The following CDK8 variants were observed in gnomAD, a reference collection of about 807,000 sequenced individuals.
The protein encoded by CDK8 is cyclin-dependent kinase 8.
Under a neutral mutation model 71.5 loss-of-function variants are expected in CDK8, and 29 were observed. The ratio of observed to expected loss-of-function variants is 0.41; its 90% CI spans 0.30 to 0.55. The LOEUF (loss-of-function observed/expected upper bound fraction) is 0.55, where lower values mean the gene tolerates loss of function less well. CDK8 is among the 20% of genes least tolerant of loss of function. The pLI is 0.37. For missense variants in CDK8, 288 were observed against 572.6 expected (o/e 0.50, Z 5.07); for synonymous variants, 161 against 192.1 (o/e 0.84, Z 1.34).
intron 1 of CDK8, among the ~76,000 whole-genome samples, chr13:26,331,249 GA>G (rs1249149886): frequency 6.6e-6 from 1 of 152,034 alleles, no homozygotes; most frequent in Non-Finnish European, 1.5e-5. Flanking sequence ...GTCTTCTTTT[GA>G]AATGTATCTA....
chr13:26,400,583 G>A (rs1876208679), intron 10 of CDK8, 33 bp downstream of exon 10: 3 of 1,307,360 alleles, frequency 2.3e-6, no homozygotes, highest in Non-Finnish European at 3.3e-6. Flanking sequence ...TCATCAGCAT[G>A]ATGGAAGTTT....
intron 4 of CDK8, among the ~76,000 whole-genome samples, chr13:26,373,717 AGT>A (rs1874799230): frequency 6.6e-6 from 1 of 152,212 alleles, no homozygotes; most frequent in Admixed American, 6.5e-5. Flanking sequence ...AATAAAATAC[AGT>A]GTAAATATAT....
At chr13:26,373,569 C>T (rs1319560996) in intron 4 of CDK8, among the ~76,000 whole-genome samples, 3 of 152,120 alleles carry the variant, frequency 2.0e-5, no homozygotes, top group African/African-American at 7.2e-5. Context: ...AAAATATTTA[C>T]ATGTCTAACA....
intron 1 of CDK8, among the ~76,000 whole-genome samples, chr13:26,272,158 A>G (rs1018107946): frequency 3.3e-5 from 5 of 151,898 alleles, no homozygotes; most frequent in African/African-American, 1.2e-4. Flanking sequence ...GTATAAAAAC[A>G]TTTTCTTTAT....
chr13:26,299,949 A>G (rs1593248742), intron 1 of CDK8, among the ~76,000 whole-genome samples: 1 of 152,196 alleles, frequency 6.6e-6, no homozygotes, highest in Admixed American at 6.5e-5. Context: ...TATAAAAACT[A>G]TTCTTAGCTC....
intron 3 of CDK8, among the ~76,000 whole-genome samples, chr13:26,352,874 CTCTTATTT>C (rs1873740395): frequency 1.3e-5 from 2 of 151,988 alleles, no homozygotes; most frequent in Admixed American, 1.3e-4. Context: ...TGTTAAATAT[CTCTTATTT>C]TTATTATGTC....
chr13:26,276,901 AT>A (rs1318157174), intron 1 of CDK8, among the ~76,000 whole-genome samples: 1 of 152,158 alleles, frequency 6.6e-6, no homozygotes, highest in Non-Finnish European at 1.5e-5. Flanking sequence ...AAACAACCAA[AT>A]TTTTCCTCCT....
At chr13:26,400,092 T>G (rs768669391) in intron 9 of CDK8, 3 of 217,050 alleles carry the variant, frequency 1.4e-5, no homozygotes, top group South Asian at 7.1e-5. Flanking sequence ...ACTGCATGTG[T>G]TAGTGTATTA....
intron 1 of CDK8, among the ~76,000 whole-genome samples, chr13:26,270,830 T>C (rs939825758): frequency 2.0e-5 from 3 of 152,210 alleles, no homozygotes; most frequent in African/African-American, 7.2e-5. Flanking sequence ...TTTCAATTCC[T>C]AGGTATTCAT....
At position 26,272,380 on chromosome 13, in the gene CDK8, C is replaced by A. The variant is rs137955640; in HGVS notation, c.128+17611C>A. ...TTTGTTATGTTAGCCTAGGCCTACA[C>A]AGGGTCAGGATCATCAGTATCACTG... On this transcript the variant is annotated intron_variant, in intron 1 of 12. Transcript: ENST00000381527. Among the ~76,000 whole-genome samples, 6 of 152,184 alleles carry A rather than the reference C, an allele frequency of 3.9e-5. No homozygotes were observed. In the East Asian group the frequency reaches 1.2e-3, roughly 29 times the overall value.
At chr13:26,390,161 C>T (rs1346255887) in intron 6 of CDK8, among the ~76,000 whole-genome samples, 2 of 152,170 alleles carry the variant, frequency 1.3e-5, no homozygotes, top group African/African-American at 4.8e-5. Flanking sequence ...AAGCTGCTTA[C>T]CAAGAACTTC....
At chr13:26,334,924 T>A (rs1172921151) in intron 1 of CDK8, among the ~76,000 whole-genome samples, 1 of 152,172 alleles carries the variant, frequency 6.6e-6, no homozygotes, top group Non-Finnish European at 1.5e-5. Context: ...CCATCTGTAT[T>A]CGTTCCTTTA....
Position 26,293,673 on chromosome 13 carries a change from A to G in CDK8, c.128+38904A>G, listed in dbSNP as rs557490489. ...CATGGTTTTGAAATATGTGGAACAA[A>G]TTTTTGTGATATACAGTTTTAATTG... On this transcript the variant is annotated intron_variant, in intron 1 of 12. Transcript: ENST00000381527. Among the ~76,000 whole-genome samples the G allele has an allele frequency of 1.2e-3, 183 of 151,452 alleles. 1 individual carries two copies. Among genetic ancestry groups the G allele is most frequent in the African/African-American group, 4.1e-3 (171 of 41,330 alleles).
At position 26,389,194 on chromosome 13, in the gene CDK8, GCT is replaced by G. The variant is rs575037904; in HGVS notation, c.646+3855_646+3856del. Among the ~76,000 whole-genome samples, 133 of 152,110 alleles carry G rather than the reference GCT, an allele frequency of 8.7e-4. 1 individual carries two copies. The highest frequency in any genetic ancestry group is 3.1e-3 in the African/African-American group (129 of 41,510). Reference sequence around the variant, plus strand: ...TTTATTTATTTAGAGACAGAGTCTCGCTCTGTCACCCAGGCTGGAGTGCAGTG... The same window carrying G: ...TTTATTTATTTAGAGACAGAGTCTCGCTGTCACCCAGGCTGGAGTGCAGTG... On this transcript the variant is annotated intron_variant, in intron 6 of 12. Coordinates refer to ENST00000381527, the MANE Select transcript of CDK8 (RefSeq NM_001260.3).
At position 26,254,906 on chromosome 13, in the gene CDK8, A is replaced by G. The variant is rs1871449982; in HGVS notation, c.128+137A>G. On this transcript the variant is annotated intron_variant, in intron 1 of 12. Coordinates refer to ENST00000381527, the MANE Select transcript of CDK8 (RefSeq NM_001260.3). The surrounding 1 kb of genome is among the most constrained non-coding windows in gnomAD (Gnocchi z 6.7). The stretch of plus-strand genomic sequence containing the variant: ...ACGCCGGCCTCTGGCTCCGCCAGCC[A>G]GGTTTGGGGAGGAAGTGGTGTACGA... The G allele has an allele frequency of 8.0e-7, 1 of 1,247,370 alleles. No individual in the cohort carries two copies. The highest frequency in any genetic ancestry group is 1.1e-6 in the Non-Finnish European group (1 of 904,906). The allele number at this position is 1,247,370 out of a possible 1,614,324, so 77.3% of individuals were successfully genotyped here. A position where few individuals can be genotyped will look rare whatever the true frequency, so the allele number is the denominator to read the frequency against.
intron 1 of CDK8, among the ~76,000 whole-genome samples, chr13:26,279,346 G>T (rs956912188): frequency 4.6e-5 from 7 of 151,996 alleles, no homozygotes; most frequent in Middle Eastern, 3.4e-3. Flanking sequence ...TTGCAAAAAA[G>T]AAAATGTACC....
chr13:26,356,072 TA>T (rs1470548855), intron 4 of CDK8, among the ~76,000 whole-genome samples: 1 of 152,142 alleles, frequency 6.6e-6, no homozygotes, highest in African/African-American at 2.4e-5. Flanking sequence ...CTCTTTGACA[TA>T]GGGGTAGTAT....
At chr13:26,393,982 A>G (rs2138064128) in intron 7 of CDK8, among the ~76,000 whole-genome samples, 1 of 152,286 alleles carries the variant, frequency 6.6e-6, no homozygotes, top group Non-Finnish European at 1.5e-5. Context: ...AATAGCATTT[A>G]AGTCTTCTCT....
chr13:26,256,892 A>T (rs1313526314), intron 1 of CDK8, among the ~76,000 whole-genome samples: 2 of 152,170 alleles, frequency 1.3e-5, no homozygotes, highest in Non-Finnish European at 2.9e-5. Flanking sequence ...TAAAATTACT[A>T]TCTTTTAGAG....
Sources: allele counts gnomAD v4.1 joint callset (sites outside exome capture counted in the v4.1 genomes callset), GRCh38; gene constraint gnomAD v4.1.1; non-coding constraint Gnocchi (gnomAD v3.1); transcripts MANE v1.5; gene names NCBI Gene and HGNC (gene_info 2026-07-23, HGNC 2026-07-21).